Variants in RBFOX1 observed in about 807,000 individuals in gnomAD.
RBFOX1 encodes the protein RNA binding fox-1 homolog 1, also known as RNA binding protein fox-1 homolog 1.
RBFOX1 carries 8 observed loss-of-function variants against 57.7 expected under a neutral mutation model. The ratio of observed to expected loss-of-function variants is 0.14; its 90% CI spans 0.08 to 0.25. The LOEUF is 0.25. RBFOX1 is among the 10% of genes least tolerant of loss of function. The pLI is 1.00. For synonymous variants in RBFOX1, 326 were observed against 222.4 expected, an observed-to-expected ratio of 1.47 and a Z score of -4.15; for missense variants, 611 against 548.5, an observed-to-expected ratio of 1.11 and a Z score of -1.14.
At chr16:6,931,907 G>T (rs1484063247) in intron 3 of RBFOX1, among the ~76,000 whole-genome samples, 4 of 152,150 alleles carry the variant, frequency 2.6e-5, no homozygotes, top group African/African-American at 4.8e-5. Flanking sequence ...GCATGTGAGA[G>T]GGAGGAGGCG....
intron 4 of RBFOX1, among the ~76,000 whole-genome samples, chr16:7,066,530 G>T (rs997658774): frequency 2.0e-5 from 3 of 151,938 alleles, no homozygotes; most frequent in Non-Finnish European, 2.9e-5. Context: ...AATGAGCTGA[G>T]TATTTTATGT....
At chr16:6,799,090 G>C (rs906264301) in intron 3 of RBFOX1, among the ~76,000 whole-genome samples, 9 of 152,042 alleles carry the variant, frequency 5.9e-5, no homozygotes, top group African/African-American at 2.2e-4. Flanking sequence ...TGTGAAGATG[G>C]GGTACGGTGA....
intron 2 of RBFOX1, among the ~76,000 whole-genome samples, chr16:5,594,001 C>A (rs2047099240): frequency 6.6e-6 from 1 of 152,068 alleles, no homozygotes; most frequent in African/African-American, 2.4e-5. Context: ...GCCCCCACAC[C>A]TTCTGCCCAT....
At chr16:5,440,009 A>AAC (rs1466710626) in intron 1 of RBFOX1, among the ~76,000 whole-genome samples, 1 of 152,222 alleles carries the variant, frequency 6.6e-6, no homozygotes, top group African/African-American at 2.4e-5. Flanking sequence ...TTTGGCTGTT[A>AAC]ACACCATTTG....
At chr16:6,137,421 C>G (rs1567539392) in intron 1 of RBFOX1, among the ~76,000 whole-genome samples, 1 of 152,106 alleles carries the variant, frequency 6.6e-6, no homozygotes, top group Non-Finnish European at 1.5e-5. Context: ...TCTCCTGCCT[C>G]AGTTTCCTGA....
intron 3 of RBFOX1, among the ~76,000 whole-genome samples, chr16:6,718,039 C>G (rs989065765): frequency 2.6e-5 from 4 of 152,178 alleles, no homozygotes; most frequent in Non-Finnish European, 5.9e-5. Flanking sequence ...ACTGGTGTTT[C>G]ATCCCAAATA....
chr16:7,520,582 G>A lies in RBFOX1; in HGVS notation c.270+2193G>A, dbSNP rs1211132514. On this transcript the variant is annotated intron_variant, in intron 5 of 15. Transcript: ENST00000550418. ...GTGTTTATTTATTCATTAGTCCATT[G>A]ATGGATATTTGGGTTGTCTCCACAT... Among the ~76,000 whole-genome samples, 4 of 152,170 alleles carry A rather than the reference G, an allele frequency of 2.6e-5. No individual in the cohort carries two copies. The East Asian group carries it at 7.7e-4, about 29-fold the overall frequency.
intron 3 of RBFOX1, among the ~76,000 whole-genome samples, chr16:5,687,271 G>T (rs1467712337): frequency 6.6e-6 from 1 of 152,126 alleles, no homozygotes; most frequent in East Asian, 1.9e-4. Flanking sequence ...AGAAACTGTG[G>T]TGCCTTCATG....
At chr16:6,218,013 C>A (rs1205042467) in intron 1 of RBFOX1, among the ~76,000 whole-genome samples, 1 of 152,208 alleles carries the variant, frequency 6.6e-6, no homozygotes. Flanking sequence ...GAGATTCTGT[C>A]TCAAAAATAA....
chr16:7,305,666 C>A (rs1293498383), intron 4 of RBFOX1, among the ~76,000 whole-genome samples: 1 of 152,042 alleles, frequency 6.6e-6, no homozygotes, highest in Non-Finnish European at 1.5e-5. Context: ...TATAAAATGT[C>A]AGGATTCTGT....
intron 4 of RBFOX1, among the ~76,000 whole-genome samples, chr16:5,953,407 G>C (rs1175617846): frequency 6.6e-6 from 1 of 152,112 alleles, no homozygotes; most frequent in Non-Finnish European, 1.5e-5. Context: ...AAGTTCTTTA[G>C]GGGTGATTTG....
At chr16:7,584,105 A>C (rs2093966488) in intron 6 of RBFOX1, among the ~76,000 whole-genome samples, 1 of 152,174 alleles carries the variant, frequency 6.6e-6, no homozygotes, top group South Asian at 2.1e-4. Flanking sequence ...GACACTAAGA[A>C]AAACTGGGAT....
At chr16:5,495,057 A>C (rs932650187) in intron 2 of RBFOX1, among the ~76,000 whole-genome samples, 1 of 152,186 alleles carries the variant, frequency 6.6e-6, no homozygotes, top group African/African-American at 2.4e-5. Flanking sequence ...TGGGTAATTT[A>C]TGGAGGAAAG....
At chr16:6,030,339 G>T (rs975656598) in intron 1 of RBFOX1, among the ~76,000 whole-genome samples, 1 of 152,278 alleles carries the variant, frequency 6.6e-6, no homozygotes, top group Non-Finnish European at 1.5e-5. Flanking sequence ...ACACTTCTAA[G>T]TGGAATACCT....
intron 4 of RBFOX1, among the ~76,000 whole-genome samples, chr16:7,097,823 A>G (rs1026304710): frequency 2.0e-5 from 3 of 152,244 alleles, no homozygotes; most frequent in African/African-American, 7.2e-5. Flanking sequence ...TACGAAGTAT[A>G]TGGAAATTTT....
chr16:6,627,393 AAG>A (rs1004235543), intron 2 of RBFOX1, among the ~76,000 whole-genome samples: 1 of 152,168 alleles, frequency 6.6e-6, no homozygotes, highest in Non-Finnish European at 1.5e-5. Flanking sequence ...GAGACAGAGA[AAG>A]AGAGATGGAG....
At chr16:6,241,712 C>T (rs2097541031) in intron 1 of RBFOX1, among the ~76,000 whole-genome samples, 1 of 152,166 alleles carries the variant, frequency 6.6e-6, no homozygotes, top group African/African-American at 2.4e-5. Flanking sequence ...TGCAAACAAT[C>T]AACACCAATC....
chr16:7,483,973 T>A (rs1231848547), intron 4 of RBFOX1, among the ~76,000 whole-genome samples: 1 of 152,226 alleles, frequency 6.6e-6, no homozygotes, highest in Non-Finnish European at 1.5e-5. Flanking sequence ...ACCTTAAGTT[T>A]CCTTACGCTT....
intron 13 of RBFOX1, among the ~76,000 whole-genome samples, chr16:7,670,742 C>T (rs2071143548): frequency 1.3e-5 from 2 of 152,124 alleles, no homozygotes; most frequent in Admixed American, 6.6e-5. Context: ...AGGGTACGTC[C>T]CTCAGTCTCT....
Sources: gnomAD v4.1 joint callset for allele counts (sites outside exome capture counted in the v4.1 genomes callset) on GRCh38, gnomAD v4.1.1 for gene constraint, MANE v1.5 for transcripts, NCBI Gene and HGNC (gene_info 2026-07-23, HGNC 2026-07-21) for gene names.